CNOT1: variants seen among roughly 807,000 people sequenced by gnomAD.
CNOT1 encodes the protein CCR4-associated factor 1.
In CNOT1, 15 loss-of-function variants were observed where a neutral mutation model predicts 273.8. The observed-to-expected ratio is 0.05, with a 90% CI of 0.04 to 0.08. The LOEUF is 0.08. CNOT1 is among the 10% of genes least tolerant of loss of function. The probability of loss-of-function intolerance (pLI) is 1.00; values close to 1 mark genes in which losing one functional copy is unlikely to be tolerated. For synonymous variants in CNOT1, 1,022 were observed against 1,005.5 expected, an observed-to-expected ratio of 1.02 and a Z score of -0.31; for missense variants, 1,644 against 2,912.2, an observed-to-expected ratio of 0.56 and a Z score of 10.02.
chr16:58,548,498 G>A (rs1221044893), intron 25 of CNOT1: 1 of 516,076 alleles, frequency 1.9e-6, no homozygotes, highest in African/African-American at 1.9e-5. Context: ...ACGAAATAGA[G>A]CCATGTTCCT....
chr16:58,556,949 C>T lies in CNOT1; in HGVS notation c.2377G>A (p.Ala793Thr), dbSNP rs368198651. Residue 793 changes from alanine (A) to threonine (T), a missense_variant, in exon 19 of 49, where the codon GCT becomes ACT. Transcript: ENST00000317147. ...TTATTCACTGCAGGGAGTCCAAGAGCACCAGTTCCTATACCAGTCAGGCTG... is the reference window on the plus strand; with the variant it reads ...TTATTCACTGCAGGGAGTCCAAGAGTACCAGTTCCTATACCAGTCAGGCTG... Reference protein sequence around the residue: ...TGSLTGIGTGALGLPAVNNDP... With the variant: ...TGSLTGIGTGTLGLPAVNNDP... 1 of 1,614,034 alleles carries T rather than the reference C, an allele frequency of 6.2e-7. No individual in the cohort carries two copies.
At chr16:58,562,847 G>C (rs1212725381) in intron 16 of CNOT1, among the ~76,000 whole-genome samples, 1 of 152,060 alleles carries the variant, frequency 6.6e-6, no homozygotes, top group Non-Finnish European at 1.5e-5. Flanking sequence ...AGCAGTAGCA[G>C]CCGTACATGA....
chr16:58,542,209 A>C (rs1325399505), intron 33 of CNOT1, 22 bp downstream of exon 33: 1 of 1,611,506 alleles, frequency 6.2e-7, no homozygotes. Context: ...GGGACGGGGA[A>C]AGACAGAGCC....
In CNOT1 at chr16:58,555,904, G is replaced by C. The variant is rs1318875366; in HGVS notation, c.2484C>G (p.Asp828Glu). The change falls in exon 20 of 49, where the codon GAC becomes GAG. Residue 828 changes from aspartate to glutamate, a missense_variant. Around this residue, in one of 13 missense-constraint regions of CNOT1, gnomAD observed 706 missense variants for 1,021.2 expected, o/e 0.69. Coordinates refer to ENST00000317147, the MANE Select transcript of CNOT1 (RefSeq NM_016284.5). The part of the protein sequence containing the change: ...TFQQSKMKPS[D>E]LSQVWPEANQ... ...TTGCCTCTGGCCACACCTGAGACAA[G>C]TCCGCTGTTGGAAACAAAAAAGGAA... The C allele has an allele frequency of 6.2e-7, 1 of 1,611,868 alleles. No individual in the cohort carries two copies.
At chr16:58,594,420 T>C (rs147875507) in intron 2 of CNOT1, among the ~76,000 whole-genome samples, 2 of 152,248 alleles carry the variant, frequency 1.3e-5, no homozygotes, top group East Asian at 3.9e-4. Flanking sequence ...GCATTTCTTC[T>C]GGAGGTAATG....
intron 1 of CNOT1, among the ~76,000 whole-genome samples, chr16:58,625,165 C>T (rs909484422): frequency 4.6e-5 from 7 of 152,024 alleles, no homozygotes; most frequent in African/African-American, 1.4e-4. Flanking sequence ...GCAGGTAGAT[C>T]ACTTGAGGTC....
Position 58,534,194 on chromosome 16 carries a change from A to G in CNOT1, c.5848T>C (p.Ser1950Pro). ...GTGACAGTGTTGGTGGCCTCCCCTG[A>G]GTGTTTCACGAGCAGTGCAATGAGT... ...VRLIALLVKH[S>P]GEATNTVTKI... The change falls in exon 40 of 49, where the codon TCA becomes CCA. Residue 1950 changes from serine to proline, a missense_variant. Physicochemically the swap from Ser to Pro is moderately conservative, Grantham distance 74. This residue lies in a region of CNOT1 where 133 missense variants were observed against 328.2 expected (regional missense o/e 0.41). Coordinates refer to ENST00000317147, the MANE Select transcript of CNOT1 (RefSeq NM_016284.5). 6.2e-7 allele frequency: 1 copy of G among 1,614,208 alleles called. No individual in the cohort carries two copies. The highest frequency in any genetic ancestry group is 8.5e-7 in the Non-Finnish European group (1 of 1,180,030).
chr16:58,588,855 A>G lies in CNOT1; in HGVS notation c.154T>C (p.Phe52Leu). The G allele has an allele frequency of 6.2e-7, 1 of 1,614,040 alleles. No individual in the cohort carries two copies. The highest frequency in any genetic ancestry group is 1.1e-5 in the South Asian group (1 of 91,052). ...TCGCCACTGAAATCCACATGCGAAA[A>G]TAGGCAGCGTAATAAATGCCTGTCT... ...EADRHLLRCL[F>L]SHVDFSGDGK... is the part of the protein sequence containing the mutation. The change falls in exon 3 of 49, where the codon TTT (phenylalanine) becomes CTT (leucine). Residue 52 changes from phenylalanine to leucine, a missense_variant. By Grantham distance (22) the Phe-to-Leu change is conservative (BLOSUM62 0). Transcript: ENST00000317147.
intron 46 of CNOT1, chr16:58,523,896 A>G (rs37050): frequency 0.13 from 22,214 of 166,992 alleles, 1,917 homozygotes; most frequent in Admixed American, 0.24. Flanking sequence ...CCTCTGAGAA[A>G]TTCAACTGTA....
chr16:58,582,743 C>A (rs1597506390), intron 10 of CNOT1, 50 bp downstream of exon 10: 1 of 1,088,170 alleles, frequency 9.2e-7, no homozygotes, highest in Non-Finnish European at 1.4e-6. Context: ...TTTCTTTGGA[C>A]TATATCATTC....
intron 10 of CNOT1, among the ~76,000 whole-genome samples, chr16:58,582,267 G>A (rs2041683827): frequency 6.6e-6 from 1 of 152,100 alleles, no homozygotes; most frequent in African/African-American, 2.4e-5. Context: ...ACTTCAGCCT[G>A]GCCAACAGAG....
At chr16:58,543,419 A>C in intron 31 of CNOT1, 188 bp downstream of exon 31, 1 of 1,492,756 alleles carries the variant, frequency 6.7e-7, no homozygotes, top group South Asian at 1.3e-5. Context: ...CAGAAAAAAA[A>C]AAAAACACAC....
At chr16:58,576,391 A>G (rs2041460239) in intron 14 of CNOT1, 72 bp downstream of exon 14, 4 of 1,596,758 alleles carry the variant, frequency 2.5e-6, no homozygotes, top group Non-Finnish European at 3.4e-6. Flanking sequence ...GATTACAGGC[A>G]TGAGCCACCG....
rs757740519 is a variant in CNOT1 at position 58,553,859 on chromosome 16, A to G, written c.2893T>C (p.Leu965=). Residue 965 remains leucine, a splice_region_variant and synonymous_variant, in exon 22 of 49, where the codon TTG becomes CTG. Coordinates refer to ENST00000317147, the MANE Select transcript of CNOT1 (RefSeq NM_016284.5). ...IAALDRFKNR[L]KDYPQYCQHL... is the part of the protein sequence containing the mutation. ...TGACAATACTGGGGATAGTCCTTCAATCTGCCAACAAAATTATTCTACCAT... is the reference window on the plus strand; with the variant it reads ...TGACAATACTGGGGATAGTCCTTCAGTCTGCCAACAAAATTATTCTACCAT... 8 of 1,606,284 alleles carry G rather than the reference A, an allele frequency of 5.0e-6. No individual in the cohort carries two copies. The highest frequency in any genetic ancestry group is 5.9e-6 in the Non-Finnish European group (7 of 1,178,106).
At chr16:58,600,957 CTGT>C (rs749228710) in intron 1 of CNOT1, among the ~76,000 whole-genome samples, 25 of 152,152 alleles carry the variant, frequency 1.6e-4, no homozygotes, top group East Asian at 3.9e-4. Flanking sequence ...GTTGTTGTTG[CTGT>C]TGTTGTTGTT....
intron 3 of CNOT1, among the ~76,000 whole-genome samples, chr16:58,588,125 C>CCT (rs924199533): frequency 2.6e-5 from 4 of 152,018 alleles, no homozygotes; most frequent in Admixed American, 2.0e-4. Context: ...ATGGTAAAAC[C>CCT]CTCTCTCTAC....
chr16:58,563,012 A>C (rs1271916595), intron 16 of CNOT1, among the ~76,000 whole-genome samples: 2 of 152,238 alleles, frequency 1.3e-5, no homozygotes, highest in African/African-American at 2.4e-5. Flanking sequence ...ATTACATTAA[A>C]TCAATAGAGA....
At chr16:58,618,042 C>A (rs1463185255) in intron 1 of CNOT1, among the ~76,000 whole-genome samples, 1 of 152,156 alleles carries the variant, frequency 6.6e-6, no homozygotes, top group Non-Finnish European at 1.5e-5. Context: ...TCCACATTAA[C>A]ACAAAGCCAA....
chr16:58,593,566 G>GA (rs1222660596), intron 2 of CNOT1, among the ~76,000 whole-genome samples: 2 of 67,416 alleles, frequency 3.0e-5, no homozygotes, highest in Non-Finnish European at 6.2e-5. Context: ...TCCGTCTCAA[G>GA]GGAAAAAAAA....
Sources: allele counts gnomAD v4.1 joint callset (sites outside exome capture counted in the v4.1 genomes callset), GRCh38; gene constraint gnomAD v4.1.1; regional missense constraint gnomAD v4.1.1; transcripts MANE v1.5; gene names NCBI Gene and HGNC (gene_info 2026-07-23, HGNC 2026-07-21).